SLC13A5: variants seen among roughly 807,000 people sequenced by gnomAD.
SLC13A5 encodes the protein solute carrier family 13 member 5.
In SLC13A5, 25 loss-of-function variants were observed where a neutral mutation model predicts 56.5. That is an observed-to-expected ratio of 0.44 (90% CI 0.32 to 0.62). The LOEUF (loss-of-function observed/expected upper bound fraction) is 0.62, where lower values mean the gene tolerates loss of function less well. SLC13A5 is among the 20% of genes least tolerant of loss of function. The probability of loss-of-function intolerance (pLI) is 0.04; values close to 1 mark genes in which losing one functional copy is unlikely to be tolerated. For missense variants in SLC13A5, 649 were observed against 737.8 expected (o/e 0.88, Z 1.39); for synonymous variants, 307 against 301.5 (o/e 1.02, Z -0.19).
Position 6,692,360 on chromosome 17 carries a change from G to C in SLC13A5, c.1275+684C>G, listed in dbSNP as rs912220804. ...GAGAGGTGACTAGATGGATGGATTT[G>C]TTCACCTCCGCAAAAACTTAGCACC... On this transcript the variant is annotated intron_variant, in intron 9 of 11. Coordinates refer to ENST00000433363, the MANE Select transcript of SLC13A5 (RefSeq NM_177550.5). This position sits in a 1 kb window ranked among gnomAD's most constrained non-coding sequence, Gnocchi z 5.5. Among the ~76,000 whole-genome samples the C allele has an allele frequency of 6.6e-6, 1 of 152,106 alleles. No individual in the cohort carries two copies. Among genetic ancestry groups the C allele is most frequent in the Non-Finnish European group, 1.5e-5 (1 of 68,012 alleles).
chr17:6,709,682 G>A (rs1054990303), intron 1 of SLC13A5, among the ~76,000 whole-genome samples: 4 of 152,328 alleles, frequency 2.6e-5, no homozygotes, highest in South Asian at 2.1e-4. Context: ...TCACCCAGAA[G>A]AGCGTATGTA....
In SLC13A5 at chr17:6,694,206, G is replaced by T; in HGVS notation, c.1056-9C>A. ...TGGCATCGGAGACATACCTAGGTGGGGAAAAGCACAGCTCATCTGCGACAG... is the reference window on the plus strand; with the variant it reads ...TGGCATCGGAGACATACCTAGGTGGTGAAAAGCACAGCTCATCTGCGACAG... On this transcript the variant is annotated splice_polypyrimidine_tract_variant and intron_variant, in intron 7 of 11. Transcript: ENST00000433363. 1 of 1,558,604 alleles carries T rather than the reference G, an allele frequency of 6.4e-7. No homozygotes were observed.
Position 6,698,069 on chromosome 17 carries a change from C to G in SLC13A5, c.840-2128G>C, listed in dbSNP as rs575767542. Among the ~76,000 whole-genome samples, 53 of 152,328 alleles carry G rather than the reference C, an allele frequency of 3.5e-4. 1 individual carries two copies. Among genetic ancestry groups the G allele is most frequent in the Non-Finnish European group, 2.9e-5 (2 of 68,024 alleles). On this transcript the variant is annotated intron_variant, in intron 6 of 11. Coordinates refer to ENST00000433363, the MANE Select transcript of SLC13A5 (RefSeq NM_177550.5). ...GTTTGTGGCAGGACGTGGCCTGGGC[C>G]AGAGCACTGTTCCCACCACTCAAAC...
chr17:6,694,229 C>CA (rs1303634431), intron 7 of SLC13A5, 32 bp from the exon 8 acceptor site: 1 of 1,323,762 alleles, frequency 7.6e-7, no homozygotes, highest in South Asian at 1.2e-5. Context: ...TCATCTGCGA[C>CA]AGAGACAGTC....
chr17:6,686,091 G>A lies in SLC13A5; in HGVS notation c.*116C>T, dbSNP rs1203660791. ...CCCATTGGCTGGGTTTTGGTGGTGT[G>A]TGGACATCGTTGGGTCATTTTGGGG... On this transcript the variant is annotated 3_prime_UTR_variant, in exon 12 of 12. Transcript: ENST00000433363. 6.8e-7 allele frequency: 1 copy of A among 1,467,282 alleles called. No homozygotes were observed. The highest frequency in any genetic ancestry group is 9.3e-7 in the Non-Finnish European group (1 of 1,077,382). The allele number at this position is 1,467,282 out of a possible 1,614,324, so 90.9% of individuals were successfully genotyped here.
rs138834680 is a variant in SLC13A5, at chr17:6,707,022, G to T, written c.231+6C>A. ...AAAGTCACCAGGATCCCTTGGGTCT[G>T]CTCACCTGCCTGGAGTCCAGAATCT... On this transcript the variant is annotated splice_donor_region_variant and intron_variant, in intron 2 of 11. Coordinates refer to ENST00000433363, the MANE Select transcript of SLC13A5 (RefSeq NM_177550.5). The T allele has an allele frequency of 1.3e-3, 2,128 of 1,613,722 alleles. 2 individuals are homozygous for T. Among genetic ancestry groups the T allele is most frequent in the Non-Finnish European group, 1.6e-3 (1,830 of 1,179,960 alleles).
chr17:6,704,306 CTTCTGGGG>C, intron 3 of SLC13A5: 1 of 641,778 alleles, frequency 1.6e-6, no homozygotes, highest in Non-Finnish European at 2.9e-6. Flanking sequence ...ACTCTGCTTG[CTTCTGGGG>C]TTACCAAGAG....
chr17:6,687,383 T>C lies in SLC13A5; in HGVS notation c.1575+146A>G. Reference sequence around the variant, plus strand: ...AAAAGAAGAAAAGCTGCATTATAAATGTCAACAATGGCTACAGGTCTGGAT... The same window carrying C: ...AAAAGAAGAAAAGCTGCATTATAAACGTCAACAATGGCTACAGGTCTGGAT... On this transcript the variant is annotated intron_variant, in intron 11 of 11. Coordinates refer to ENST00000433363, the MANE Select transcript of SLC13A5 (RefSeq NM_177550.5). This position sits in a 1 kb window ranked among gnomAD's most constrained non-coding sequence, Gnocchi z 5.0. 2 of 1,067,928 alleles carry C rather than the reference T, an allele frequency of 1.9e-6. No individual in the cohort carries two copies. Among genetic ancestry groups the C allele is most frequent in the South Asian group, 1.4e-5 (1 of 69,770 alleles). 66.2% of individuals were successfully genotyped at this position (1,067,928 alleles called of 1,614,324 possible).
At position 6,685,876 on chromosome 17, in the gene SLC13A5, G is replaced by T. The variant is rs988263725; in HGVS notation, c.*331C>A. On this transcript the variant is annotated 3_prime_UTR_variant, in exon 12 of 12. Transcript: ENST00000433363. The surrounding 1 kb of genome is among the most constrained non-coding windows in gnomAD (Gnocchi z 4.2). ...GTGAAAACCAGAGCCCTGTGTGGGG[G>T]ATGCTTGAGGCAGAGCGGGTACAGC... 12 of 311,922 alleles carry T rather than the reference G, an allele frequency of 3.8e-5. No homozygotes were observed. The highest frequency in any genetic ancestry group is 6.8e-5 in the Non-Finnish European group (11 of 162,096). 19.3% of individuals were successfully genotyped at this position (311,922 alleles called of 1,614,324 possible).
Position 6,687,786 on chromosome 17 carries a change from G to A in SLC13A5, c.1438-120C>T. On this transcript the variant is annotated intron_variant, in intron 10 of 11. Coordinates refer to ENST00000433363, the MANE Select transcript of SLC13A5 (RefSeq NM_177550.5). The surrounding 1 kb of genome is among the most constrained non-coding windows in gnomAD (Gnocchi z 5.0). ...TTTGAACCTCTGTGCCTCAGTCTTG[G>A]TTCCTCTCCCTTTTGCCACGTCTCT... 1 of 1,268,606 alleles carries A rather than the reference G, an allele frequency of 7.9e-7. No homozygotes were observed. Among genetic ancestry groups the A allele is most frequent in the Non-Finnish European group, 1.0e-6 (1 of 965,028 alleles). 78.6% of individuals were successfully genotyped at this position (1,268,606 alleles called of 1,614,324 possible).
intron 1 of SLC13A5, among the ~76,000 whole-genome samples, chr17:6,712,747 C>T (rs1469321673): frequency 2.6e-5 from 4 of 152,234 alleles, no homozygotes; most frequent in South Asian, 2.1e-4. Flanking sequence ...GATTTTTTTC[C>T]TGTAGGTCCC....
intron 3 of SLC13A5, 78 bp from the exon 4 acceptor site, chr17:6,704,134 G>A: frequency 1.3e-6 from 2 of 1,485,366 alleles, no homozygotes; most frequent in Non-Finnish European, 1.8e-6. Flanking sequence ...ACTGGGGACT[G>A]GGTCCACCCC....
chr17:6,710,596 G>T (rs1973994605), intron 1 of SLC13A5, among the ~76,000 whole-genome samples: 1 of 152,162 alleles, frequency 6.6e-6, no homozygotes, highest in Admixed American at 6.5e-5. Context: ...AGAAGCCCAG[G>T]AGGTGCCTCA....
chr17:6,707,416 G>A (rs375070490), intron 1 of SLC13A5, among the ~76,000 whole-genome samples: 4 of 152,058 alleles, frequency 2.6e-5, no homozygotes, highest in African/African-American at 9.7e-5. Flanking sequence ...TTCTAGGCAC[G>A]TTCTTTCATC....
In SLC13A5 at chr17:6,694,290, T is replaced by C. The variant is rs1597661388; in HGVS notation, c.1056-93A>G. The C allele has an allele frequency of 2.3e-5, 17 of 738,168 alleles. No individual in the cohort carries two copies. In the East Asian group the frequency reaches 4.1e-4, roughly 18 times the overall value. 45.7% of individuals were successfully genotyped at this position (738,168 alleles called of 1,614,324 possible). ...GCAGTTCTGTGTCCAAATGCTTCTA[T>C]GCAAAGAAACAGGCTCACAGCCTTA... is the stretch of plus-strand genomic sequence containing the variant. On this transcript the variant is annotated intron_variant, in intron 7 of 11. Coordinates refer to ENST00000433363, the MANE Select transcript of SLC13A5 (RefSeq NM_177550.5).
chr17:6,704,533 G>A, intron 3 of SLC13A5: 2 of 317,660 alleles, frequency 6.3e-6, no homozygotes, highest in South Asian at 2.7e-5. Flanking sequence ...AAGTTCAGAA[G>A]GGCTAAGCAG....
In SLC13A5 at chr17:6,706,683, G is replaced by T; in HGVS notation, c.327C>A (p.Ile109=). ...AVERWNLHKR[I]ALRTLLWVGA... ...CCACCCAGAGGAGCGTGCGCAGGGCGATCCTCTTGTGCAGGTTCCAGCGCT... is the reference window on the plus strand; with the variant it reads ...CCACCCAGAGGAGCGTGCGCAGGGCTATCCTCTTGTGCAGGTTCCAGCGCT... Residue 109 remains isoleucine, a synonymous_variant, in exon 3 of 12, where the codon ATC becomes ATA. Coordinates refer to ENST00000433363, the MANE Select transcript of SLC13A5 (RefSeq NM_177550.5). 1 of 1,613,876 alleles carries T rather than the reference G, an allele frequency of 6.2e-7. No homozygotes were observed.
rs1204203369 is a variant in SLC13A5, at chr17:6,692,223, GGATGGACA to G, written c.1275+813_1275+820del. Among the ~76,000 whole-genome samples the G allele has an allele frequency of 3.4e-5, 5 of 147,714 alleles. No homozygotes were observed. The highest frequency in any genetic ancestry group is 6.0e-5 in the Non-Finnish European group (4 of 66,948). On this transcript the variant is annotated intron_variant, in intron 9 of 11. Transcript: ENST00000433363. This position sits in a 1 kb window ranked among gnomAD's most constrained non-coding sequence, Gnocchi z 5.5. ...TGGGTGGATAGATAGATGGGTGGAT[GGATGGACA>G]GATGGATGGATGGATGGATGGATGG...
Position 6,687,487 on chromosome 17 carries a change from G to A in SLC13A5, c.1575+42C>T, listed in dbSNP as rs761729511. On this transcript the variant is annotated intron_variant, in intron 11 of 11. Transcript: ENST00000433363. This position sits in a 1 kb window ranked among gnomAD's most constrained non-coding sequence, Gnocchi z 5.0. ...AAATGGGGCATCCCTTATGACAACA[G>A]CGTTATAGTCCGACGGGAGTAAATA... 1.6e-5 allele frequency: 25 copies of A among 1,610,954 alleles called. No homozygotes were observed. The highest frequency in any genetic ancestry group is 1.9e-5 in the Non-Finnish European group (22 of 1,178,978).
Sources: allele counts gnomAD v4.1 joint callset (sites outside exome capture counted in the v4.1 genomes callset), GRCh38; gene constraint gnomAD v4.1.1; non-coding constraint Gnocchi (gnomAD v3.1); transcripts MANE v1.5; gene names NCBI Gene and HGNC (gene_info 2026-07-23, HGNC 2026-07-21).